PI4K2A: variants seen among roughly 807,000 people sequenced by gnomAD.
PI4K2A encodes phosphatidylinositol 4-kinase type 2-alpha.
A neutral mutation model predicts 55.0 loss-of-function variants in PI4K2A; 20 were observed. The observed-to-expected ratio is 0.36, with a 90% CI of 0.26 to 0.53. PI4K2A has a LOEUF of 0.53. Ranked by LOEUF, PI4K2A falls within the 20% of genes least tolerant of loss-of-function variation. The probability of loss-of-function intolerance (pLI) is 0.91; values close to 1 mark genes in which losing one functional copy is unlikely to be tolerated. For synonymous variants in PI4K2A, 235 were observed against 258.5 expected (o/e 0.91, Z 0.87); for missense variants, 463 against 637.1 (o/e 0.73, Z 2.94).
chr10:97,643,187 T>C (rs1017279860), intron 1 of PI4K2A, among the ~76,000 whole-genome samples: 1 of 151,802 alleles, frequency 6.6e-6, no homozygotes, highest in African/African-American at 2.4e-5. Context: ...AGTCTCGCCA[T>C]GTTGCCCTGG....
intron 2 of PI4K2A, among the ~76,000 whole-genome samples, chr10:97,652,174 A>G (rs1297559018): frequency 3.9e-5 from 6 of 152,180 alleles, no homozygotes; most frequent in South Asian, 2.1e-4. Flanking sequence ...GAAAAAGTAC[A>G]TATATTTGCA....
At chr10:97,651,128 T>A (rs1166317339) in exon 2 of PI4K2A, 1 of 1,612,574 alleles carries the variant, frequency 6.2e-7, no homozygotes, top group Non-Finnish European at 8.5e-7. Context: ...CTCAACATTG[T>A]TCCCCGTACA....
At chr10:97,650,883 C>A in intron 1 of PI4K2A, 58 bp from the exon 2 acceptor site, 2 of 1,256,174 alleles carry the variant, frequency 1.6e-6, no homozygotes, top group South Asian at 2.5e-5. Flanking sequence ...CTGACTTGGT[C>A]TGTGGGCTAT....
intron 1 of PI4K2A, among the ~76,000 whole-genome samples, chr10:97,642,669 G>A (rs2135750578): frequency 6.6e-6 from 1 of 152,036 alleles, no homozygotes. Context: ...GATTACAGGC[G>A]TGCCACCGCG....
At chr10:97,649,045 G>A (rs952028709) in intron 1 of PI4K2A, among the ~76,000 whole-genome samples, 17 of 152,132 alleles carry the variant, frequency 1.1e-4, no homozygotes, top group Non-Finnish European at 1.9e-4. Context: ...TATTGTTAGC[G>A]ACATGGACCT....
At chr10:97,663,860 G>T (rs1010001305) in intron 5 of PI4K2A, among the ~76,000 whole-genome samples, 55 of 149,216 alleles carry the variant, frequency 3.7e-4, no homozygotes, top group Middle Eastern at 3.5e-3. Context: ...ACAGGGTCTT[G>T]CTCTGTTGCG....
At chr10:97,658,927 CATT>C (rs768840069) in intron 4 of PI4K2A, among the ~76,000 whole-genome samples, 20 of 152,052 alleles carry the variant, frequency 1.3e-4, no homozygotes, top group Non-Finnish European at 2.2e-4. Context: ...TTTTTTTGGT[CATT>C]ATTGTTGAGT....
chr10:97,673,274 A>T (rs2065671), intron 8 of PI4K2A, among the ~76,000 whole-genome samples: 6 of 152,236 alleles, frequency 3.9e-5, no homozygotes, highest in East Asian at 1.9e-4. Flanking sequence ...TACAGGCGTG[A>T]GCCAGCGTGC....
chr10:97,660,982 A>T (rs544323314), intron 4 of PI4K2A, among the ~76,000 whole-genome samples: 1 of 146,638 alleles, frequency 6.8e-6, no homozygotes, highest in African/African-American at 2.5e-5. Context: ...TGGATTTTTT[A>T]AAATTTATTT....
rs1159490945 is a variant in PI4K2A at position 97,666,959 on chromosome 10, T to C, written c.1219-102T>C. The C allele has an allele frequency of 1.7e-5, 14 of 837,696 alleles. No individual in the cohort carries two copies. The Admixed American group carries it at 2.9e-4, about 17-fold the overall frequency. The allele number at this position is 837,696 out of a possible 1,614,324, so 51.9% of individuals were successfully genotyped here. On this transcript the variant is annotated intron_variant, in intron 7 of 8. Coordinates refer to ENST00000370631, the Ensembl canonical transcript of PI4K2A. The stretch of plus-strand genomic sequence containing the variant: ...TTGACTTCACAAAGCTGCAGAAGCC[T>C]TATGCAGGTTTTCCTTCTTAGAAAG...
In PI4K2A at chr10:97,656,294, C is replaced by G; in HGVS notation, c.646C>G (p.Leu216Val). 1 of 1,613,460 alleles carries G rather than the reference C, an allele frequency of 6.2e-7. No homozygotes were observed. The highest frequency in any genetic ancestry group is 8.5e-7 in the Non-Finnish European group (1 of 1,179,390). Residue 216 changes from leucine (L) to valine (V), a missense_variant, in exon 3 of 9, where the codon CTG becomes GTG. By Grantham distance (32) the Leu-to-Val change is conservative. Coordinates refer to ENST00000370631, the Ensembl canonical transcript of PI4K2A. The surrounding 1 kb of genome is among the most constrained non-coding windows in gnomAD (Gnocchi z 4.5). The stretch of plus-strand genomic sequence containing the variant: ...TTCTCTTTCACTGTAGGTAGTATAC[C>G]TGGCCAGTGAGACCTTCAACTATAG...
intron 1 of PI4K2A, among the ~76,000 whole-genome samples, chr10:97,642,409 CT>C (rs200764187): frequency 9.5e-5 from 13 of 136,142 alleles, no homozygotes; most frequent in East Asian, 2.2e-4. Flanking sequence ...TTTTTTTTTT[CT>C]TTTTTTTTTG....
intron 2 of PI4K2A, among the ~76,000 whole-genome samples, chr10:97,654,872 G>A (rs1442160109): frequency 6.6e-6 from 1 of 151,968 alleles, no homozygotes; most frequent in Non-Finnish European, 1.5e-5. Context: ...CATGCATCTA[G>A]TATAAAAATC....
intron 1 of PI4K2A, among the ~76,000 whole-genome samples, chr10:97,647,822 T>C (rs1179079732): frequency 6.6e-6 from 1 of 152,040 alleles, no homozygotes; most frequent in Non-Finnish European, 1.5e-5. Context: ...GAAATGCTTC[T>C]TATTCTCCTT....
chr10:97,652,222 T>A (rs2041532798), intron 2 of PI4K2A, among the ~76,000 whole-genome samples: 1 of 152,198 alleles, frequency 6.6e-6, no homozygotes, highest in Non-Finnish European at 1.5e-5. Context: ...CAATGGTTCA[T>A]AAACGTTGCA....
In PI4K2A at chr10:97,656,532, G is replaced by T; in HGVS notation, c.768+116G>T. 2.0e-6 allele frequency: 2 copies of T among 993,042 alleles called. No individual in the cohort carries two copies. The highest frequency in any genetic ancestry group is 1.5e-6 in the Non-Finnish European group (1 of 662,876). 61.5% of individuals were successfully genotyped at this position (993,042 alleles called of 1,614,324 possible). ...GGGCACGTGAATAACCTGCCCTGAG[G>T]ATCCTGTCTTCCTTATTTCTGTCAA... On this transcript the variant is annotated intron_variant, in intron 3 of 8. Transcript: ENST00000370631. This position sits in a 1 kb window ranked among gnomAD's most constrained non-coding sequence, Gnocchi z 4.5.
intron 7 of PI4K2A, 67 bp from the exon 8 acceptor site, chr10:97,666,993 TG>T: frequency 8.0e-7 from 1 of 1,244,574 alleles, no homozygotes. Context: ...AGTTTCTAAC[TG>T]GGGGAGAAAA....
chr10:97,671,147 A>AG (rs889788581), intron 8 of PI4K2A, among the ~76,000 whole-genome samples: 6 of 151,976 alleles, frequency 3.9e-5, no homozygotes, highest in Non-Finnish European at 7.4e-5. Flanking sequence ...CAGAAAAAAA[A>AG]AAAGAGAGAG....
At chr10:97,672,722 GTTCTT>G (rs2041642049) in intron 8 of PI4K2A, among the ~76,000 whole-genome samples, 1 of 94,790 alleles carries the variant, frequency 1.1e-5, no homozygotes, top group Non-Finnish European at 2.0e-5. Flanking sequence ...CAGAGGGTCT[GTTCTT>G]TTTTTTTTTT....
Sources: allele counts gnomAD v4.1 joint callset (sites outside exome capture counted in the v4.1 genomes callset), GRCh38; gene constraint gnomAD v4.1.1; non-coding constraint Gnocchi (gnomAD v3.1); transcripts MANE v1.5; gene names NCBI Gene and HGNC (gene_info 2026-07-23, HGNC 2026-07-21).